AGTPBP1: variants seen among roughly 807,000 people sequenced by gnomAD.
AGTPBP1 encodes the protein ATP/GTP binding carboxypeptidase 1.
AGTPBP1 carries 70 observed loss-of-function variants against 143.9 expected under a neutral mutation model. The observed-to-expected ratio is 0.49, with a 90% CI of 0.40 to 0.59. The LOEUF (loss-of-function observed/expected upper bound fraction) is 0.59. Ranked by LOEUF, AGTPBP1 falls within the 20% of genes least tolerant of loss-of-function variation. The pLI is 0.00. For synonymous variants in AGTPBP1, 463 were observed against 500.2 expected (o/e 0.93, Z 0.99); for missense variants, 1,229 against 1,464.5 (o/e 0.84, Z 2.62).
chr9:85,770,743 G>A, the AGTPBP1 span, among the ~76,000 whole-genome samples: 1 of 152,012 alleles, frequency 6.6e-6, no homozygotes, highest in East Asian at 1.9e-4. Flanking sequence ...CTTTTTGAAA[G>A]TTTTTAAAAC....
the AGTPBP1 span, among the ~76,000 whole-genome samples, chr9:85,795,992 A>G: frequency 2.6e-5 from 4 of 151,550 alleles, no homozygotes; most frequent in Admixed American, 6.6e-5. Flanking sequence ...CTTGAATTAA[A>G]TTAGAGGAGG....
intron 11 of AGTPBP1, among the ~76,000 whole-genome samples, chr9:85,647,123 C>T (rs529343416): frequency 1.4e-3 from 210 of 152,146 alleles, no homozygotes; most frequent in Admixed American, 2.2e-3. Flanking sequence ...ATTAAAAATA[C>T]AAAATTAGCT....
chr9:85,632,753 C>G lies in AGTPBP1; in HGVS notation c.1924G>C (p.Glu642Gln), dbSNP rs1306297529. ...TCGGGATAAGCCACCTCTGAATATT[C>G]TGGGACAGACTTCGTATTTTTCACA... Reference protein sequence around the residue: ...EIVKNTKSVPEYSEVAYPDYF... With the variant: ...EIVKNTKSVPQYSEVAYPDYF... The change falls in exon 14 of 26, where the codon GAA becomes CAA. Residue 642 changes from glutamate to glutamine, a missense_variant. By Grantham distance (29) the Glu-to-Gln change is conservative. This residue lies in a region of AGTPBP1 where 743 missense variants were observed against 812.2 expected (regional missense o/e 0.91). Coordinates refer to ENST00000357081, the MANE Select transcript of AGTPBP1 (RefSeq NM_001330701.2). 6 of 1,613,992 alleles carry G rather than the reference C, an allele frequency of 3.7e-6. No individual in the cohort carries two copies. The highest frequency in any genetic ancestry group is 5.1e-6 in the Non-Finnish European group (6 of 1,180,002).
the AGTPBP1 span, among the ~76,000 whole-genome samples, chr9:85,764,021 C>T: frequency 1.3e-5 from 2 of 152,002 alleles, no homozygotes; most frequent in Non-Finnish European, 2.9e-5. Context: ...GCCAACCAAT[C>T]GTATGTTTAA....
chr9:85,663,198 T>G lies in AGTPBP1; in HGVS notation c.663-2225A>C, dbSNP rs568837584. 2.6e-5 allele frequency among the ~76,000 whole-genome samples: 4 copies of G among 152,222 alleles called. No homozygotes were observed. In the East Asian group the frequency reaches 7.7e-4, roughly 29 times the overall value. Reference sequence around the variant, plus strand: ...ATTTTCAGCGAGTTGTGTTTGAATATTCAGCAAAGTAGTGATCAGCACATG... The same window carrying G: ...ATTTTCAGCGAGTTGTGTTTGAATAGTCAGCAAAGTAGTGATCAGCACATG... On this transcript the variant is annotated intron_variant, in intron 8 of 25. Coordinates refer to ENST00000357081, the MANE Select transcript of AGTPBP1 (RefSeq NM_001330701.2).
At chr9:85,692,302 G>A (rs1211968568) in intron 3 of AGTPBP1, among the ~76,000 whole-genome samples, 1 of 147,980 alleles carries the variant, frequency 6.8e-6, no homozygotes, top group Non-Finnish European at 1.5e-5. Context: ...ATGAGACGGA[G>A]TCTTGCTGTC....
intron 10 of AGTPBP1, among the ~76,000 whole-genome samples, chr9:85,656,391 A>T (rs1441844435): frequency 6.6e-6 from 1 of 152,200 alleles, no homozygotes; most frequent in Non-Finnish European, 1.5e-5. Flanking sequence ...AATATCCATC[A>T]ATGTCTATAC....
the AGTPBP1 span, among the ~76,000 whole-genome samples, chr9:85,779,878 G>A: frequency 1.3e-5 from 2 of 151,976 alleles, no homozygotes; most frequent in African/African-American, 2.4e-5. Context: ...AATAGTAATA[G>A]AAAATAAAAT....
chr9:85,755,914 C>T, the AGTPBP1 span: 1 of 514,928 alleles, frequency 1.9e-6, no homozygotes, highest in Non-Finnish European at 3.3e-6. Context: ...ACTAGAACCA[C>T]TGATGTCTTT....
intron 13 of AGTPBP1, among the ~76,000 whole-genome samples, chr9:85,637,171 A>T (rs1028159838): frequency 4.6e-5 from 7 of 151,672 alleles, no homozygotes; most frequent in Non-Finnish European, 7.4e-5. Flanking sequence ...CCTCCCAAAC[A>T]GCTGGGATTA....
At chr9:85,606,502 T>C (rs1381745723) in intron 17 of AGTPBP1, among the ~76,000 whole-genome samples, 1 of 151,676 alleles carries the variant, frequency 6.6e-6, no homozygotes, top group Admixed American at 6.6e-5. Flanking sequence ...CAGAAATTTC[T>C]CAAAAAACTA....
intron 11 of AGTPBP1, among the ~76,000 whole-genome samples, chr9:85,651,091 G>A (rs901087233): frequency 6.6e-6 from 1 of 152,114 alleles, no homozygotes; most frequent in African/African-American, 2.4e-5. Context: ...TCCTTCAACA[G>A]GAGTATTTCA....
chr9:85,802,304 G>T, the AGTPBP1 span, among the ~76,000 whole-genome samples: 2 of 151,988 alleles, frequency 1.3e-5, no homozygotes, highest in African/African-American at 4.8e-5. Context: ...AAATTATAAG[G>T]CCTCCTTTGC....
At chr9:85,705,218 A>T (rs1328422882) in intron 2 of AGTPBP1, among the ~76,000 whole-genome samples, 4 of 142,044 alleles carry the variant, frequency 2.8e-5, no homozygotes, top group Non-Finnish European at 4.7e-5. Context: ...AAGAAACATT[A>T]AAAAAAAAAA....
Position 85,633,110 on chromosome 9 carries a change from C to A in AGTPBP1, c.1567G>T (p.Val523Phe). 1 of 1,614,122 alleles carries A rather than the reference C, an allele frequency of 6.2e-7. No individual in the cohort carries two copies. The highest frequency in any genetic ancestry group is 8.5e-7 in the Non-Finnish European group (1 of 1,180,004). Residue 523 changes from valine (V) to phenylalanine (F), a missense_variant, in exon 14 of 26, where the codon GTC becomes TTC. By Grantham distance (50) the Val-to-Phe change is conservative. Transcript: ENST00000357081. The stretch of plus-strand genomic sequence containing the variant: ...ACAATATCATTGTTTAAACCATGGA[C>A]TGATGAAATAGTTCTATTTTGATCA... ...PGDQNRTISS[V>F]HGLNNDIVKA...
chr9:85,729,987 G>A (rs1364142843), intron 1 of AGTPBP1, among the ~76,000 whole-genome samples: 4 of 152,220 alleles, frequency 2.6e-5, no homozygotes, highest in Non-Finnish European at 4.4e-5. Flanking sequence ...TGGTTCTACA[G>A]CTAGTAAGGA....
chr9:85,630,488 T>C (rs200147740), intron 14 of AGTPBP1, among the ~76,000 whole-genome samples: 4 of 145,584 alleles, frequency 2.7e-5, no homozygotes, highest in Non-Finnish European at 4.6e-5. Flanking sequence ...GATTGATTGA[T>C]TGATTGATTG....
intron 18 of AGTPBP1, 102 bp from the exon 19 acceptor site, chr9:85,592,806 G>A (rs558052373): frequency 2.2e-4 from 308 of 1,412,870 alleles, no homozygotes; most frequent in Admixed American, 3.0e-4. Flanking sequence ...AGAAAAACCC[G>A]AGTCTGTAAA....
chr9:85,773,623 C>T, the AGTPBP1 span, among the ~76,000 whole-genome samples: 17 of 152,104 alleles, frequency 1.1e-4, no homozygotes, highest in African/African-American at 3.9e-4. Flanking sequence ...CAGACGTGAG[C>T]CACCGTGCCT....
Sources: allele counts gnomAD v4.1 joint callset (sites outside exome capture counted in the v4.1 genomes callset), GRCh38; gene constraint gnomAD v4.1.1; regional missense constraint gnomAD v4.1.1; transcripts MANE v1.5; gene names NCBI Gene and HGNC (gene_info 2026-07-23, HGNC 2026-07-21).